TMPRSS11A: variants seen among roughly 807,000 people sequenced by gnomAD.
TMPRSS11A encodes the protein transmembrane protease serine 11A.
A neutral mutation model predicts 58.9 loss-of-function variants in TMPRSS11A; 53 were observed. The ratio of observed to expected loss-of-function variants is 0.90; its 90% CI spans 0.72 to 1.13. The LOEUF is 1.13. TMPRSS11A is among the 50% of genes most tolerant of loss of function. The pLI, the probability that TMPRSS11A is intolerant of heterozygous loss-of-function variation, is 0.00. For synonymous variants in TMPRSS11A, 167 were observed against 169.8 expected, an observed-to-expected ratio of 0.98 and a Z score of 0.13; for missense variants, 493 against 499.3, an observed-to-expected ratio of 0.99 and a Z score of 0.12.
At chr4:67,941,853 A>T (rs900557776) in intron 3 of TMPRSS11A, among the ~76,000 whole-genome samples, 1 of 151,862 alleles carries the variant, frequency 6.6e-6, no homozygotes. Flanking sequence ...TTCAAAATAC[A>T]ATCATAAGGC....
intron 1 of TMPRSS11A, among the ~76,000 whole-genome samples, chr4:67,957,022 C>G (rs1721308065): frequency 1.3e-5 from 2 of 152,172 alleles, no homozygotes; most frequent in African/African-American, 4.8e-5. Flanking sequence ...TGCACAAGCT[C>G]TCTTCTCTTG....
In TMPRSS11A at chr4:67,946,578, A is replaced by AAAGG. The variant is rs767432250; in HGVS notation, c.12-11_12-8dup. ...GGTGCCAAATCCCACTGTCCTGAGA[A>AAAGG]AAGGAAGGGCCCACTGGTTACTCTC... On this transcript the variant is annotated splice_region_variant and splice_polypyrimidine_tract_variant and intron_variant, in intron 1 of 9. Transcript: ENST00000508048. 2.5e-6 allele frequency: 4 copies of AAAGG among 1,606,532 alleles called. No homozygotes were observed. The African/African-American group carries it at 5.4e-5, about 22-fold the overall frequency.
intron 1 of TMPRSS11A, among the ~76,000 whole-genome samples, chr4:67,948,170 A>T (rs1355467021): frequency 1.3e-3 from 84 of 63,156 alleles, no homozygotes; most frequent in African/African-American, 1.6e-3. Context: ...TTTTTTTTTG[A>T]GACGGAGTCT....
chr4:67,933,347 G>A lies in TMPRSS11A; in HGVS notation c.253-1287C>T, dbSNP rs548823540. The stretch of plus-strand genomic sequence containing the variant: ...CATCACGCAGATACTAGTAAGCTGG[G>A]ACTGAAACCCAAGTCTTCTATCTGT... On this transcript the variant is annotated intron_variant, in intron 3 of 9. Coordinates refer to ENST00000508048, the MANE Select transcript of TMPRSS11A (RefSeq NM_001114387.2). Among the ~76,000 whole-genome samples, 7 of 152,210 alleles carry A rather than the reference G, an allele frequency of 4.6e-5. No individual in the cohort carries two copies. The East Asian group carries it at 1.4e-3, about 29-fold the overall frequency.
intron 9 of TMPRSS11A, among the ~76,000 whole-genome samples, chr4:67,911,755 A>G (rs1719987330): frequency 6.6e-6 from 1 of 152,164 alleles, no homozygotes; most frequent in Non-Finnish European, 1.5e-5. Context: ...ACGAAAAAAC[A>G]TGAAGAGGCT....
At chr4:67,945,366 G>A (rs544751702) in intron 2 of TMPRSS11A, among the ~76,000 whole-genome samples, 1 of 152,154 alleles carries the variant, frequency 6.6e-6, no homozygotes, top group Admixed American at 6.5e-5. Flanking sequence ...CCTGGCTCAG[G>A]GAAGAGGGAG....
At chr4:67,922,503 G>A (rs1468695528) in intron 7 of TMPRSS11A, among the ~76,000 whole-genome samples, 1 of 152,108 alleles carries the variant, frequency 6.6e-6, no homozygotes, top group African/African-American at 2.4e-5. Flanking sequence ...AAATAGTTCT[G>A]ATTTCTTTAC....
At chr4:67,911,610 A>G (rs1235397978) in intron 9 of TMPRSS11A, 107 bp from the exon 10 acceptor site, 2 of 742,602 alleles carry the variant, frequency 2.7e-6, no homozygotes, top group African/African-American at 3.5e-5. Context: ...CAGTACATGT[A>G]TAGACTATCA....
chr4:67,953,627 C>T (rs1057413443), intron 1 of TMPRSS11A, among the ~76,000 whole-genome samples: 1 of 151,992 alleles, frequency 6.6e-6, no homozygotes. Flanking sequence ...GGAGAAACCC[C>T]GTCTCTACTA....
intron 3 of TMPRSS11A, among the ~76,000 whole-genome samples, chr4:67,940,039 T>C (rs1017200274): frequency 1.3e-5 from 2 of 152,216 alleles, no homozygotes; most frequent in Non-Finnish European, 2.9e-5. Flanking sequence ...ATCGCATTTA[T>C]TGATTTACAT....
chr4:67,937,311 A>G (rs936310443), intron 3 of TMPRSS11A, among the ~76,000 whole-genome samples: 6 of 152,096 alleles, frequency 3.9e-5, no homozygotes, highest in Non-Finnish European at 8.8e-5. Context: ...ATCTTTCTCT[A>G]TTACAGTTCC....
At chr4:67,928,313 T>C (rs1486327205) in intron 5 of TMPRSS11A, among the ~76,000 whole-genome samples, 1 of 152,222 alleles carries the variant, frequency 6.6e-6, no homozygotes, top group Non-Finnish European at 1.5e-5. Flanking sequence ...CCCAAAGTGC[T>C]GGAATTATAG....
chr4:67,937,211 A>G (rs1577862718), intron 3 of TMPRSS11A, among the ~76,000 whole-genome samples: 1 of 152,150 alleles, frequency 6.6e-6, no homozygotes. Flanking sequence ...ACTTCCCTCA[A>G]AAAGCATACC....
intron 2 of TMPRSS11A, among the ~76,000 whole-genome samples, chr4:67,945,763 T>C (rs1720988991): frequency 6.6e-6 from 1 of 152,166 alleles, no homozygotes; most frequent in Admixed American, 6.5e-5. Flanking sequence ...AGTCACATTG[T>C]AGAGATTTGT....
At chr4:67,923,394 C>A (rs1720382620) in intron 6 of TMPRSS11A, among the ~76,000 whole-genome samples, 1 of 152,210 alleles carries the variant, frequency 6.6e-6, no homozygotes, top group Admixed American at 6.5e-5. Context: ...GCATGAACAT[C>A]ATTGCTCAAA....
chr4:67,930,829 TACA>T (rs1720597209), intron 4 of TMPRSS11A, among the ~76,000 whole-genome samples: 2 of 90,156 alleles, frequency 2.2e-5, no homozygotes, highest in South Asian at 3.7e-4. Flanking sequence ...TTTTTTTTTT[TACA>T]AAAAAAAAAA....
intron 3 of TMPRSS11A, 131 bp from the exon 4 acceptor site, chr4:67,932,191 C>T (rs1720643901): frequency 1.8e-6 from 1 of 548,774 alleles, no homozygotes; most frequent in Middle Eastern, 4.3e-4. Context: ...TGGTGGATCT[C>T]AGCTTTCACA....
intron 6 of TMPRSS11A, 75 bp from the exon 7 acceptor site, chr4:67,923,001 T>G (rs2119382): frequency 6.8e-7 from 1 of 1,477,304 alleles, no homozygotes; most frequent in Non-Finnish European, 9.3e-7. Context: ...CTTACTTGCC[T>G]GAAGACATTT....
intron 7 of TMPRSS11A, among the ~76,000 whole-genome samples, chr4:67,922,427 G>T (rs1360848932): frequency 6.6e-6 from 1 of 152,190 alleles, no homozygotes; most frequent in African/African-American, 2.4e-5. Flanking sequence ...TTTAAGTGGA[G>T]AGCATTGTTT....
Sources: allele counts gnomAD v4.1 joint callset (sites outside exome capture counted in the v4.1 genomes callset), GRCh38; gene constraint gnomAD v4.1.1; transcripts MANE v1.5; gene names NCBI Gene and HGNC (gene_info 2026-07-23, HGNC 2026-07-21).